The following JAKMIP3 variants were observed in gnomAD, a reference collection of about 807,000 sequenced individuals.
JAKMIP3 encodes the protein janus kinase and microtubule-interacting protein 3.
JAKMIP3 carries 58 observed loss-of-function variants against 118.5 expected under a neutral mutation model. That is an observed-to-expected ratio of 0.49 (90% CI 0.40 to 0.61). The LOEUF (loss-of-function observed/expected upper bound fraction) is 0.61. Ranked by LOEUF, JAKMIP3 falls within the 20% of genes least tolerant of loss-of-function variation. JAKMIP3 has a pLI of 0.00. For synonymous variants in JAKMIP3, 486 were observed against 451.2 expected, an observed-to-expected ratio of 1.08 and a Z score of -0.98; for missense variants, 950 against 1,109.0, an observed-to-expected ratio of 0.86 and a Z score of 2.04.
rs1437483211 is a variant in JAKMIP3 at position 132,138,096 on chromosome 10, A to G, written c.1285-23A>G. ...GTGGAGCTGCTCTACCACTTACACAACCTCTTCAACTGGCTTCCGCAGGAG... is the reference window on the plus strand; with the variant it reads ...GTGGAGCTGCTCTACCACTTACACAGCCTCTTCAACTGGCTTCCGCAGGAG... On this transcript the variant is annotated intron_variant, in intron 8 of 23. Transcript: ENST00000684848. 1.6e-5 allele frequency: 25 copies of G among 1,608,274 alleles called. No individual in the cohort carries two copies. The Middle Eastern group carries it at 6.6e-4, about 42-fold the overall frequency.
intron 1 of JAKMIP3, among the ~76,000 whole-genome samples, chr10:132,045,849 A>G (rs915447959): frequency 2.0e-5 from 3 of 151,294 alleles, no homozygotes; most frequent in African/African-American, 7.3e-5. Flanking sequence ...TGGGAGGATC[A>G]CTTGAGCCAG....
intron 10 of JAKMIP3, among the ~76,000 whole-genome samples, chr10:132,141,119 A>T (rs1281206646): frequency 6.6e-6 from 1 of 152,142 alleles, no homozygotes; most frequent in African/African-American, 2.4e-5. Flanking sequence ...GTGTTGTGGG[A>T]CCCAGACCCT....
intron 13 of JAKMIP3, among the ~76,000 whole-genome samples, chr10:132,146,636 T>A (rs1054374206): frequency 2.6e-5 from 4 of 152,164 alleles, no homozygotes; most frequent in African/African-American, 9.7e-5. Flanking sequence ...TAGGGTAGCC[T>A]GGCTGATGAG....
intron 1 of JAKMIP3, among the ~76,000 whole-genome samples, chr10:132,080,959 A>G (rs1342773810): frequency 6.6e-6 from 1 of 152,212 alleles, no homozygotes; most frequent in Non-Finnish European, 1.5e-5. Flanking sequence ...TAATTTTGCC[A>G]TAGTCCAGTT....
At position 132,040,436 on chromosome 10, in the gene JAKMIP3, C is replaced by T. The variant is rs576650144; in HGVS notation, c.-138+3698C>T. 8.5e-5 allele frequency among the ~76,000 whole-genome samples: 13 copies of T among 152,282 alleles called. No individual in the cohort carries two copies. In the South Asian group the frequency reaches 1.9e-3, roughly 22 times the overall value. ...TATACATCTGCTGGCTGCCTGCTGA[C>T]CTCCTGACCGCTGATGGGTTTGCAG... On this transcript the variant is annotated intron_variant, in intron 1 of 23. Transcript: ENST00000657785.
rs2061584867 is a variant in JAKMIP3, at chr10:132,182,478, G to A, written c.*1225G>A. 1.3e-5 allele frequency: 2 copies of A among 152,216 alleles called. No individual in the cohort carries two copies. The highest frequency in any genetic ancestry group is 4.8e-5 in the African/African-American group (2 of 41,446). 9.4% of individuals were successfully genotyped at this position (152,216 alleles called of 1,614,324 possible). On this transcript the variant is annotated 3_prime_UTR_variant, in exon 24 of 24. Transcript: ENST00000684848. ...GATGGAGCCTGACTGGCTGCAGATGGAACTTCTGTGTCCTCCCACCCTAGG... is the reference window on the plus strand; with the variant it reads ...GATGGAGCCTGACTGGCTGCAGATGAAACTTCTGTGTCCTCCCACCCTAGG...
chr10:132,167,692 C>T (rs2059046789), intron 22 of JAKMIP3, among the ~76,000 whole-genome samples: 1 of 152,144 alleles, frequency 6.6e-6, no homozygotes, highest in African/African-American at 2.4e-5. Context: ...AGAGGAGCTT[C>T]CCCTGGGAGC....
intron 19 of JAKMIP3, among the ~76,000 whole-genome samples, chr10:132,162,679 T>C (rs1268420103): frequency 6.6e-6 from 1 of 151,958 alleles, no homozygotes; most frequent in East Asian, 1.9e-4. Context: ...ACAAAGATTG[T>C]ATCAATAAAA....
In JAKMIP3 at chr10:132,107,079, G is replaced by GA. The variant is rs1315553889; in HGVS notation, c.135+2137dup. ...TTTTTTTTTTTTTAACTTTTTTGTA[G>GA]AGACTGGGTCTCGCCATTTTGCCCG... On this transcript the variant is annotated intron_variant, in intron 2 of 23. Transcript: ENST00000684848. Among the ~76,000 whole-genome samples, 17 of 148,704 alleles carry GA rather than the reference G, an allele frequency of 1.1e-4. No individual in the cohort carries two copies. The East Asian group carries it at 3.2e-3, about 28-fold the overall frequency.
At chr10:132,110,836 G>A (rs1220449856) in intron 2 of JAKMIP3, among the ~76,000 whole-genome samples, 3 of 152,254 alleles carry the variant, frequency 2.0e-5, no homozygotes, top group African/African-American at 2.4e-5. Flanking sequence ...CCGCAGGGGC[G>A]TGAACTCGGC....
chr10:132,150,164 C>T, intron 16 of JAKMIP3, 123 bp downstream of exon 16: 1 of 701,844 alleles, frequency 1.4e-6, no homozygotes, highest in Non-Finnish European at 2.4e-6. Flanking sequence ...TGCCTGAGAC[C>T]CTCCACTAGG....
chr10:132,057,322 G>A (rs940774541), intron 1 of JAKMIP3, among the ~76,000 whole-genome samples: 1 of 152,174 alleles, frequency 6.6e-6, no homozygotes, highest in Non-Finnish European at 1.5e-5. Flanking sequence ...CTGGCTGGAC[G>A]TGCATTGGGT....
rs1010755108 is a variant in JAKMIP3, at chr10:132,112,743, G to A, written c.136-4334G>A. The stretch of plus-strand genomic sequence containing the variant: ...TCGGATTCTCCTTGTCCACAGCCAC[G>A]TGTCTCCTTGGACAGGGCAGCTCTC... On this transcript the variant is annotated intron_variant, in intron 2 of 23. Transcript: ENST00000684848. This position sits in a 1 kb window ranked among gnomAD's most constrained non-coding sequence, Gnocchi z 4.3. Among the ~76,000 whole-genome samples, 4 of 152,100 alleles carry A rather than the reference G, an allele frequency of 2.6e-5. No individual in the cohort carries two copies. The highest frequency in any genetic ancestry group is 6.6e-5 in the Admixed American group (1 of 15,262).
chr10:132,065,808 T>C (rs1250588892), upstream of JAKMIP3, among the ~76,000 whole-genome samples: 1 of 151,630 alleles, frequency 6.6e-6, no homozygotes, highest in Non-Finnish European at 1.5e-5. The surrounding 1 kb of genome is among the most constrained non-coding windows in gnomAD (Gnocchi z 5.6). Context: ...GGCCTTAAGG[T>C]GCACAGGGAG....
intron 1 of JAKMIP3, among the ~76,000 whole-genome samples, chr10:132,041,260 T>C (rs941764520): frequency 3.9e-5 from 6 of 152,240 alleles, no homozygotes; most frequent in African/African-American, 1.4e-4. Context: ...ATCACCTGTT[T>C]ATTTTAAGGC....
In JAKMIP3 at chr10:132,044,259, T is replaced by C. The variant is rs975489236; in HGVS notation, c.-138+7521T>C. On this transcript the variant is annotated intron_variant, in intron 1 of 23. Transcript: ENST00000657785. This position sits in a 1 kb window ranked among gnomAD's most constrained non-coding sequence, Gnocchi z 5.3. ...AACATTTCCTAGACACGTCTCCTGG[T>C]CCAGGCATCGTGGACCTCCCTGGGG... Among the ~76,000 whole-genome samples, 1 of 152,160 alleles carries C rather than the reference T, an allele frequency of 6.6e-6. No homozygotes were observed. The highest frequency in any genetic ancestry group is 2.4e-5 in the African/African-American group (1 of 41,442).
chr10:132,146,607 C>T (rs1208140537), intron 13 of JAKMIP3, among the ~76,000 whole-genome samples: 3 of 152,174 alleles, frequency 2.0e-5, no homozygotes, highest in Admixed American at 6.5e-5. Context: ...CTGGCAGGTG[C>T]GGCCCTCTGG....
intron 23 of JAKMIP3, among the ~76,000 whole-genome samples, chr10:132,169,478 G>A (rs1369139659): frequency 6.6e-6 from 1 of 152,232 alleles, no homozygotes; most frequent in African/African-American, 2.4e-5. Context: ...CTCCCAGCAG[G>A]GAGGGAGGGA....
At chr10:132,177,022 G>C (rs187810761) in intron 23 of JAKMIP3, among the ~76,000 whole-genome samples, 5 of 152,216 alleles carry the variant, frequency 3.3e-5, no homozygotes, top group Non-Finnish European at 2.9e-5. Flanking sequence ...AAATGTTACT[G>C]GGTGATTTGC....
Sources: gnomAD v4.1 joint callset for allele counts (sites outside exome capture counted in the v4.1 genomes callset) on GRCh38, gnomAD v4.1.1 for gene constraint, Gnocchi (gnomAD v3.1) non-coding constraint, MANE v1.5 for transcripts, NCBI Gene and HGNC (gene_info 2026-07-23, HGNC 2026-07-21) for gene names.